The following TUBGCP4 variants were observed in gnomAD, a reference collection of about 807,000 sequenced individuals.
TUBGCP4 encodes the protein tubulin gamma complex component 4.
Under a neutral mutation model 91.6 loss-of-function variants are expected in TUBGCP4, and 54 were observed. The ratio of observed to expected loss-of-function variants is 0.59; its 90% CI spans 0.47 to 0.74. TUBGCP4 has a LOEUF of 0.74. Ranked by LOEUF, TUBGCP4 falls within the 30% of genes least tolerant of loss-of-function variation. The pLI is 0.00. For missense variants in TUBGCP4, 593 were observed against 800.9 expected, an observed-to-expected ratio of 0.74 and a Z score of 3.13; for synonymous variants, 297 against 302.8, an observed-to-expected ratio of 0.98 and a Z score of 0.20.
rs1258339618 is a variant in TUBGCP4 at position 43,393,731 on chromosome 15, A to T, written c.1015-1376A>T. Among the ~76,000 whole-genome samples the T allele has an allele frequency of 5.3e-5, 8 of 152,144 alleles. No homozygotes were observed. The East Asian group carries it at 1.3e-3, about 26-fold the overall frequency. Reference sequence around the variant, plus strand: ...TTGTCCTTGTGAGAGTTTGCTGAGAATGATGGTTTCCAGTTTCATCCATGT... The same window carrying T: ...TTGTCCTTGTGAGAGTTTGCTGAGATTGATGGTTTCCAGTTTCATCCATGT... On this transcript the variant is annotated intron_variant, in intron 9 of 17. Coordinates refer to ENST00000564079, the MANE Select transcript of TUBGCP4 (RefSeq NM_014444.5).
chr15:43,375,386 T>G (rs1329648092), intron 1 of TUBGCP4, among the ~76,000 whole-genome samples: 1 of 152,226 alleles, frequency 6.6e-6, no homozygotes, highest in African/African-American at 2.4e-5. Context: ...ATACTTAAAA[T>G]AGCTAAAATG....
chr15:43,380,218 G>T (rs574847821), intron 6 of TUBGCP4, 55 bp downstream of exon 6: 2 of 1,438,274 alleles, frequency 1.4e-6, no homozygotes, highest in African/African-American at 2.8e-5. Flanking sequence ...CAAATTATTT[G>T]ACTTCTCACA....
rs1464464414 is a variant in TUBGCP4 at position 43,377,072 on chromosome 15, G to A, written c.384+5G>A. On this transcript the variant is annotated splice_donor_5th_base_variant and intron_variant, in intron 4 of 17. Transcript: ENST00000564079. ...GTCAACTACTTCCTAGACCAGGTAT[G>A]CTGCCCAAATAACCAAATGCCTTGC... The A allele has an allele frequency of 2.5e-6, 4 of 1,611,024 alleles. No homozygotes were observed. The African/African-American group carries it at 4.0e-5, about 16-fold the overall frequency.
rs1259556932 is a variant in TUBGCP4, at chr15:43,371,263, C to T, written c.-92C>T. The T allele has an allele frequency of 7.7e-7, 1 of 1,301,136 alleles. No individual in the cohort carries two copies. The highest frequency in any genetic ancestry group is 1.4e-5 in the African/African-American group (1 of 69,162). 80.6% of individuals were successfully genotyped at this position (1,301,136 alleles called of 1,614,324 possible). A position where few individuals can be genotyped will look rare whatever the true frequency, so the allele number is the denominator to read the frequency against. ...ACCGCCCGACCCAGGGGCCGGTGCG[C>T]GTGTGGAAGGGGAAGCACTCCCCTC... On this transcript the variant is annotated 5_prime_UTR_variant, in exon 1 of 18. Coordinates refer to ENST00000564079, the MANE Select transcript of TUBGCP4 (RefSeq NM_014444.5).
At chr15:43,397,065 G>C in intron 11 of TUBGCP4, 149 bp from the exon 12 acceptor site, 1 of 658,270 alleles carries the variant, frequency 1.5e-6, no homozygotes, top group Non-Finnish European at 2.8e-6. Context: ...AAGAAGAGAA[G>C]GATGGATGGG....
At chr15:43,403,559 C>T (rs186860378) in intron 15 of TUBGCP4, 124 bp from the exon 16 acceptor site, 1 of 720,340 alleles carries the variant, frequency 1.4e-6, no homozygotes, top group East Asian at 2.6e-5. Flanking sequence ...CAGTGTCTAT[C>T]CTGTCAGATT....
At chr15:43,393,565 T>C (rs1566898008) in intron 9 of TUBGCP4, among the ~76,000 whole-genome samples, 2 of 152,232 alleles carry the variant, frequency 1.3e-5, no homozygotes, top group South Asian at 4.1e-4. Flanking sequence ...TATTTAGCAT[T>C]AGGTATATCT....
chr15:43,388,640 T>C (rs781018958), intron 9 of TUBGCP4, among the ~76,000 whole-genome samples: 34 of 152,334 alleles, frequency 2.2e-4, no homozygotes, highest in Middle Eastern at 3.4e-3. Context: ...GAAAGTAAAA[T>C]TGTACTGACT....
rs45570139 is a variant in TUBGCP4, at chr15:43,408,452, GC to G, written c.*3240del. 3,683 of 266,524 alleles carry G rather than the reference GC, an allele frequency of 0.014. 129 individuals carry two copies. The highest frequency in any genetic ancestry group is 0.077 in the African/African-American group (3,466 of 45,080). The allele number at this position is 266,524 out of a possible 1,614,324, so 16.5% of individuals were successfully genotyped here. A position where few individuals can be genotyped will look rare whatever the true frequency, so the allele number is the denominator to read the frequency against. On this transcript the variant is annotated 3_prime_UTR_variant, in exon 18 of 18. Coordinates refer to ENST00000564079, the MANE Select transcript of TUBGCP4 (RefSeq NM_014444.5). ...GTCGTCACTGCGCCACTGTACTCCA[GC>G]CTAGGTGACAGAGCAAGACTTCATC...
intron 5 of TUBGCP4, among the ~76,000 whole-genome samples, chr15:43,379,459 G>T (rs1361133810): frequency 6.6e-6 from 1 of 152,110 alleles, no homozygotes; most frequent in Non-Finnish European, 1.5e-5. Context: ...GGCTAACACA[G>T]TGAAACCCTG....
intron 9 of TUBGCP4, 47 bp downstream of exon 9, chr15:43,386,377 ATTTT>A (rs748820688): frequency 8.9e-4 from 17 of 19,098 alleles, no homozygotes; most frequent in African/African-American, 1.2e-3. Flanking sequence ...ATATATATAT[ATTTT>A]TTTTTTTTTT....
Position 43,380,139 on chromosome 15 carries a change from C to T in TUBGCP4, c.497C>T (p.Pro166Leu). 1.2e-6 allele frequency: 2 copies of T among 1,614,038 alleles called. No individual in the cohort carries two copies. The highest frequency in any genetic ancestry group is 1.7e-6 in the Non-Finnish European group (2 of 1,179,928). The change falls in exon 6 of 18, where the codon CCT becomes CTT. Residue 166 changes from proline (P) to leucine (L), a missense_variant. Physicochemically the swap from Pro to Leu is moderately conservative, Grantham distance 98. Transcript: ENST00000564079. ...TVYKHSCGGL[P>L]PVRSALEKIL... Reference sequence around the variant, plus strand: ...TACAAACACAGCTGTGGGGGGTTGCCTCCTGTTCGAAGTGCACTGGAAAAG... The same window carrying T: ...TACAAACACAGCTGTGGGGGGTTGCTTCCTGTTCGAAGTGCACTGGAAAAG...
intron 3 of TUBGCP4, 39 bp downstream of exon 3, chr15:43,376,664 T>C (rs1339586446): frequency 4.3e-6 from 7 of 1,612,940 alleles, no homozygotes; most frequent in Non-Finnish European, 5.9e-6. Flanking sequence ...TCTGGGACAG[T>C]AGATTAGGGC....
Position 43,382,217 on chromosome 15 carries a change from AAAAAG to A in TUBGCP4, c.522-1081_522-1077del, listed in dbSNP as rs1203831819. Among the ~76,000 whole-genome samples, 229 of 139,110 alleles carry A rather than the reference AAAAAG, an allele frequency of 1.6e-3. 1 individual carries two copies. Among genetic ancestry groups the A allele is most frequent in the African/African-American group, 5.3e-3 (165 of 31,280 alleles). The allele number at this position is 139,110 out of a possible 152,430, so 91.3% of individuals were successfully genotyped here. The stretch of plus-strand genomic sequence containing the variant: ...ACAGAGTGAGACCCTGTCTCAAAAA[AAAAAG>A]AAAAAAGAAAAAAAGAAAAATAAAA... On this transcript the variant is annotated intron_variant, in intron 6 of 17. Coordinates refer to ENST00000564079, the MANE Select transcript of TUBGCP4 (RefSeq NM_014444.5).
At position 43,377,849 on chromosome 15, in the gene TUBGCP4, C is replaced by T; in HGVS notation, c.387C>T (p.Phe129=). 1.2e-6 allele frequency: 2 copies of T among 1,603,982 alleles called. No homozygotes were observed. Among genetic ancestry groups the T allele is most frequent in the Non-Finnish European group, 1.7e-6 (2 of 1,176,800 alleles). ...TCTAATTATTCTCTACTTTGCAGTT[C>T]CAGCTTCTTTTTCCCTCTGTGATGG... is the stretch of plus-strand genomic sequence containing the variant. ...ISHVNYFLDQ[F]QLLFPSVMVV... Residue 129 remains phenylalanine (F), a splice_region_variant and synonymous_variant, in exon 5 of 18, where the codon TTC becomes TTT. Transcript: ENST00000564079.
intron 9 of TUBGCP4, among the ~76,000 whole-genome samples, chr15:43,393,509 A>G (rs1030634825): frequency 1.3e-5 from 2 of 151,722 alleles, no homozygotes; most frequent in African/African-American, 2.4e-5. Context: ...GGTTTGTTAC[A>G]TATGTATACA....
intron 9 of TUBGCP4, among the ~76,000 whole-genome samples, chr15:43,387,342 A>G (rs2044392045): frequency 6.6e-6 from 1 of 152,268 alleles, no homozygotes; most frequent in Non-Finnish European, 1.5e-5. Flanking sequence ...TGTGGCTTAT[A>G]TTAACATTTG....
chr15:43,371,349 G>T lies in TUBGCP4; in HGVS notation c.-6G>T. 6.2e-7 allele frequency: 1 copy of T among 1,613,756 alleles called. No homozygotes were observed. Among genetic ancestry groups the T allele is most frequent in the Non-Finnish European group, 8.5e-7 (1 of 1,179,860 alleles). On this transcript the variant is annotated 5_prime_UTR_variant, in exon 1 of 18. Transcript: ENST00000564079. ...CATAACCAGGGACTCGAGGTCCGCC[G>T]TGGGAATGATCCACGAACTGCTCTT...
intron 6 of TUBGCP4, among the ~76,000 whole-genome samples, chr15:43,381,186 T>C (rs1014550067): frequency 6.6e-6 from 1 of 152,232 alleles, no homozygotes; most frequent in African/African-American, 2.4e-5. Flanking sequence ...AATTCTCTAT[T>C]ATACTTTTGT....
Sources: allele counts gnomAD v4.1 joint callset (sites outside exome capture counted in the v4.1 genomes callset), GRCh38; gene constraint gnomAD v4.1.1; transcripts MANE v1.5; gene names NCBI Gene and HGNC (gene_info 2026-07-23, HGNC 2026-07-21).